TARDBP: variants seen among roughly 807,000 people sequenced by gnomAD.
The protein encoded by TARDBP is TAR DNA-binding protein 43.
In TARDBP, 4 loss-of-function variants were observed where a neutral mutation model predicts 38.3. The observed-to-expected ratio is 0.10, with a 90% confidence interval of 0.05 to 0.24. TARDBP has a LOEUF of 0.24. Among genes scored for constraint, TARDBP ranks in the 10% least tolerant of loss-of-function variants. The pLI, the probability that TARDBP is intolerant of heterozygous loss-of-function variation, is 1.00. For synonymous variants in TARDBP, 184 were observed against 183.8 expected, an observed-to-expected ratio of 1.00 and a Z score of -0.01; for missense variants, 202 against 521.9, an observed-to-expected ratio of 0.39 and a Z score of 5.97.
intron 2 of TARDBP, 152 bp from the exon 3 acceptor site, chr1:11,016,692 C>A: frequency 2.7e-6 from 2 of 738,916 alleles, no homozygotes; most frequent in Non-Finnish European, 4.4e-6. Context: ...TTTATTCTGT[C>A]CTCTAGAGCA....
At chr1:11,026,577 C>T (rs1643735413), downstream of TARDBP, 1 of 215,726 alleles carries the variant, frequency 4.6e-6, no homozygotes, top group Admixed American at 5.8e-5. Flanking sequence ...TACAGAAATG[C>T]CAACAGCCAG....
intron 1 of TARDBP, among the ~76,000 whole-genome samples, chr1:11,013,109 G>A (rs1266865525): frequency 2.0e-5 from 3 of 152,244 alleles, no homozygotes; most frequent in Non-Finnish European, 4.4e-5. Flanking sequence ...GCTGGCACGC[G>A]CGGGCTTCTG....
chr1:11,027,515 C>A (rs1643759081), downstream of TARDBP: 1 of 1,613,952 alleles, frequency 6.2e-7, no homozygotes, highest in African/African-American at 1.3e-5. Flanking sequence ...CTGTTAGGAC[C>A]CAGTTGTCAT....
downstream of TARDBP, chr1:11,030,162 A>C: frequency 1.3e-6 from 2 of 1,594,714 alleles, no homozygotes; most frequent in Non-Finnish European, 1.7e-6. Flanking sequence ...CTCTTGTATA[A>C]ATGTATCCAT....
intron 2 of TARDBP, among the ~76,000 whole-genome samples, chr1:11,014,726 A>C (rs1012627508): frequency 1.3e-5 from 2 of 151,474 alleles, no homozygotes; most frequent in Admixed American, 6.6e-5. Context: ...ATCACCTGAG[A>C]TCAGGAGTTT....
intron 3 of TARDBP, chr1:11,018,485 G>T (rs1643573541): frequency 1.9e-6 from 1 of 520,676 alleles, no homozygotes; most frequent in Non-Finnish European, 3.4e-6. Flanking sequence ...CACCGCGCCT[G>T]GCCCCATCTC....
rs187642158 is a variant in TARDBP at position 11,015,184 on chromosome 1, T to G, written c.238+1219T>G. Among the ~76,000 whole-genome samples the G allele has an allele frequency of 9.4e-4, 142 of 151,846 alleles. 1 individual carries two copies. Among genetic ancestry groups the G allele is most frequent in the African/African-American group, 3.3e-3 (138 of 41,418 alleles). Reference sequence around the variant, plus strand: ...CAGCCAGTGGGTATAGATTAATATTTACTCAAATTTAAAATGTCAGGCTCG... The same window carrying G: ...CAGCCAGTGGGTATAGATTAATATTGACTCAAATTTAAAATGTCAGGCTCG... On this transcript the variant is annotated intron_variant, in intron 2 of 5. Transcript: ENST00000240185.
chr1:11,027,242 TC>T, downstream of TARDBP: 3 of 1,614,226 alleles, frequency 1.9e-6, no homozygotes, highest in South Asian at 3.3e-5. Flanking sequence ...CAGATGCAGT[TC>T]CAATGTCATC....
At chr1:11,017,128 T>C in intron 3 of TARDBP, 121 bp downstream of exon 3, 1 of 1,125,776 alleles carries the variant, frequency 8.9e-7, no homozygotes, top group Non-Finnish European at 1.3e-6. Flanking sequence ...GTCAAACTCC[T>C]GGGCCCATAC....
At chr1:11,021,636 G>A (rs1332638711) in intron 5 of TARDBP, among the ~76,000 whole-genome samples, 1 of 152,100 alleles carries the variant, frequency 6.6e-6, no homozygotes, top group African/African-American at 2.4e-5. Flanking sequence ...GCCCAGGCTG[G>A]TGGAACACAG....
chr1:11,017,636 C>T (rs1643554712), intron 3 of TARDBP, among the ~76,000 whole-genome samples: 1 of 152,154 alleles, frequency 6.6e-6, no homozygotes, highest in Non-Finnish European at 1.5e-5. Context: ...TGCATGAAGG[C>T]TTAAGGGAAG....
intron 2 of TARDBP, among the ~76,000 whole-genome samples, chr1:11,015,116 A>T (rs1349698460): frequency 2.6e-5 from 4 of 151,982 alleles, no homozygotes; most frequent in Non-Finnish European, 4.4e-5. Context: ...AAAAAAAAAA[A>T]AATTGATAAT....
intron 2 of TARDBP, among the ~76,000 whole-genome samples, chr1:11,014,227 CTA>C (rs1289020391): frequency 6.6e-6 from 1 of 152,204 alleles, no homozygotes; most frequent in Non-Finnish European, 1.5e-5. Flanking sequence ...TCAGGAATCA[CTA>C]AGAATGTTTT....
At position 11,016,979 on chromosome 1, in the gene TARDBP, G is replaced by T; in HGVS notation, c.374G>T (p.Ser125Ile). ...GAACAGGACCTGAAAGAGTATTTTA[G>T]TACCTTTGGAGAAGTTCTTATGGTG... The part of the protein sequence containing the change: ...TTEQDLKEYF[S>I]TFGEVLMVQV... The change falls in exon 3 of 6, where the codon AGT (serine) becomes ATT (isoleucine). Residue 125 changes from serine (S) to isoleucine (I), a missense_variant. Physicochemically the swap from Ser to Ile is moderately radical, Grantham distance 142. Transcript: ENST00000240185. The T allele has an allele frequency of 6.2e-7, 1 of 1,614,212 alleles. No individual in the cohort carries two copies. Among genetic ancestry groups the T allele is most frequent in the South Asian group, 1.1e-5 (1 of 91,088 alleles).
downstream of TARDBP, chr1:11,025,583 CTAAAG>C (rs1444307439): frequency 6.9e-6 from 1 of 145,204 alleles, no homozygotes; most frequent in African/African-American, 2.9e-5. Context: ...AATTGAGTCT[CTAAAG>C]AAAAAAGAAA....
In TARDBP at chr1:11,023,374, G is replaced by A. The variant is rs564637529; in HGVS notation, c.*720G>A. 1.9e-5 allele frequency: 20 copies of A among 1,051,550 alleles called. No individual in the cohort carries two copies. The African/African-American group carries it at 2.1e-4, about 11-fold the overall frequency. The allele number at this position is 1,051,550 out of a possible 1,614,324, so 65.1% of individuals were successfully genotyped here. On this transcript the variant is annotated 3_prime_UTR_variant, in exon 6 of 6. Transcript: ENST00000240185. ...CCGCTACTCTTTATTTCATGGAGTC[G>A]TATCAACGCTATGAACGCAAGGCTG...
rs751865832 is a variant in TARDBP at position 11,018,843 on chromosome 1, A to T, written c.513A>T (p.Arg171=). 6.2e-7 allele frequency: 1 copy of T among 1,614,178 alleles called. No individual in the cohort carries two copies. Among genetic ancestry groups the T allele is most frequent in the Non-Finnish European group, 8.5e-7 (1 of 1,180,024 alleles). ...CACAGCGACATATGATAGATGGACG[A>T]TGGTGTGACTGCAAACTTCCTAATT... ...VMSQRHMIDG[R]WCDCKLPNSK... Residue 171 remains arginine, a synonymous_variant, in exon 4 of 6, where the codon CGA becomes CGT. Transcript: ENST00000240185.
intron 5 of TARDBP, among the ~76,000 whole-genome samples, 175 bp downstream of exon 5, chr1:11,020,774 T>C (rs1301553323): frequency 1.3e-5 from 2 of 150,032 alleles, no homozygotes; most frequent in Non-Finnish European, 3.0e-5. Context: ...AATAGCTCGG[T>C]GTGGTGGTGC....
downstream of TARDBP, chr1:11,030,239 A>T (rs1211890694): frequency 1.2e-6 from 2 of 1,613,132 alleles, no homozygotes; most frequent in Admixed American, 3.3e-5. Context: ...TCAGCCTCAC[A>T]CACATATTTA....
Sources: allele counts gnomAD v4.1 joint callset (sites outside exome capture counted in the v4.1 genomes callset), GRCh38; gene constraint gnomAD v4.1.1; transcripts MANE v1.5; gene names NCBI Gene and HGNC (gene_info 2026-07-23, HGNC 2026-07-21).